The following PACS2 variants were observed in gnomAD, a reference collection of about 807,000 sequenced individuals.
PACS2 encodes the protein phosphofurin acidic cluster sorting protein 2.
In PACS2, 36 loss-of-function variants were observed where a neutral mutation model predicts 113.0. That is an observed-to-expected ratio of 0.32 (90% confidence interval 0.24 to 0.42). PACS2 has a LOEUF of 0.42. PACS2 is among the 10% of genes least tolerant of loss of function. The probability of loss-of-function intolerance (pLI) is 1.00; values close to 1 mark genes in which losing one functional copy is unlikely to be tolerated. For synonymous variants in PACS2, 589 were observed against 536.1 expected, an observed-to-expected ratio of 1.10 and a Z score of -1.36; for missense variants, 1,015 against 1,239.5, an observed-to-expected ratio of 0.82 and a Z score of 2.72.
intron 1 of PACS2, among the ~76,000 whole-genome samples, chr14:105,345,846 G>C (rs2059900950): frequency 6.6e-6 from 1 of 152,190 alleles, no homozygotes; most frequent in Admixed American, 6.5e-5. Flanking sequence ...GAGTCTGTGG[G>C]AATCCGGGCA....
upstream of PACS2, among the ~76,000 whole-genome samples, chr14:105,314,060 T>C (rs1465471444): frequency 3.3e-5 from 5 of 152,238 alleles, no homozygotes; most frequent in Admixed American, 6.5e-5. Flanking sequence ...CCCGGGGTCA[T>C]CTGGAGCCCT....
chr14:105,323,369 C>G lies in PACS2; in HGVS notation c.119+8332C>G, dbSNP rs997042942. Among the ~76,000 whole-genome samples the G allele has an allele frequency of 1.3e-5, 2 of 152,226 alleles. No individual in the cohort carries two copies. The highest frequency in any genetic ancestry group is 2.4e-5 in the African/African-American group (1 of 41,456). On this transcript the variant is annotated intron_variant, in intron 1 of 24. Transcript: ENST00000447393. The surrounding 1 kb of genome is among the most constrained non-coding windows in gnomAD (Gnocchi z 4.1). ...GGCTGGGGCAGTAGCCTGTCTCCAGCCCTTCCCCCTGCCTCTGTCCACGTG... is the reference window on the plus strand; with the variant it reads ...GGCTGGGGCAGTAGCCTGTCTCCAGGCCTTCCCCCTGCCTCTGTCCACGTG...
intron 14 of PACS2, 87 bp downstream of exon 14, chr14:105,382,668 T>A: frequency 3.0e-6 from 3 of 990,160 alleles, no homozygotes; most frequent in Non-Finnish European, 4.8e-6. Flanking sequence ...CCGGCACACC[T>A]GGGTGCTGGA....
At chr14:105,364,685 ATTTTC>A (rs1244525702) in intron 4 of PACS2, among the ~76,000 whole-genome samples, 3 of 142,002 alleles carry the variant, frequency 2.1e-5, no homozygotes, top group Non-Finnish European at 4.6e-5. Context: ...ATCCTGAGCA[ATTTTC>A]TTTTCTTTTT....
Position 105,340,976 on chromosome 14 carries a change from C to T in PACS2, c.120-7517C>T, listed in dbSNP as rs941400433. Among the ~76,000 whole-genome samples, 2 of 152,218 alleles carry T rather than the reference C, an allele frequency of 1.3e-5. No individual in the cohort carries two copies. The highest frequency in any genetic ancestry group is 2.4e-5 in the African/African-American group (1 of 41,456). On this transcript the variant is annotated intron_variant, in intron 1 of 24. Coordinates refer to ENST00000447393, the MANE Select transcript of PACS2 (RefSeq NM_001100913.3). The surrounding 1 kb of genome is among the most constrained non-coding windows in gnomAD (Gnocchi z 4.2). ...GTCACCCAGCTAGCATGGGGAGGCTCGCTACCAAGGGGTGGGGGGCTGGAG... is the reference window on the plus strand; with the variant it reads ...GTCACCCAGCTAGCATGGGGAGGCTTGCTACCAAGGGGTGGGGGGCTGGAG...
intron 4 of PACS2, among the ~76,000 whole-genome samples, chr14:105,363,936 CAG>C (rs2060825361): frequency 6.6e-6 from 1 of 152,066 alleles, no homozygotes; most frequent in African/African-American, 2.4e-5. Context: ...ACAGGAGAGA[CAG>C]ACATGGGAAT....
chr14:105,346,052 A>G (rs1402636027), intron 1 of PACS2, among the ~76,000 whole-genome samples: 1 of 152,202 alleles, frequency 6.6e-6, no homozygotes, highest in Non-Finnish European at 1.5e-5. Flanking sequence ...GCTCACAAAC[A>G]CTGACGGGCG....
In PACS2 at chr14:105,340,340, C is replaced by G. The variant is rs782159710; in HGVS notation, c.120-8153C>G. Among the ~76,000 whole-genome samples the G allele has an allele frequency of 9.9e-5, 15 of 152,142 alleles. No individual in the cohort carries two copies. Among genetic ancestry groups the G allele is most frequent in the Non-Finnish European group, 2.2e-4 (15 of 68,022 alleles). On this transcript the variant is annotated intron_variant, in intron 1 of 24. Transcript: ENST00000447393. This position sits in a 1 kb window ranked among gnomAD's most constrained non-coding sequence, Gnocchi z 4.2. ...ACACAACTCCAAATGGATGGATAAT[C>G]TCATTGTGAAAAAGAGGAAGGAACA...
rs1444496567 is a variant in PACS2, at chr14:105,357,046, G to T, written c.423+1869G>T. 6.6e-6 allele frequency among the ~76,000 whole-genome samples: 1 copy of T among 152,152 alleles called. No individual in the cohort carries two copies. Among genetic ancestry groups the T allele is most frequent in the Admixed American group, 6.5e-5 (1 of 15,276 alleles). ...AGGTGATGTCCTGCTGATCCCTGCC[G>T]GTCCCTGTGAGCTCCTGCCCCAGGC... On this transcript the variant is annotated intron_variant, in intron 4 of 24. Transcript: ENST00000447393. The surrounding 1 kb of genome is among the most constrained non-coding windows in gnomAD (Gnocchi z 5.1).
chr14:105,385,763 G>T, intron 19 of PACS2, 46 bp downstream of exon 19: 1 of 1,290,312 alleles, frequency 7.8e-7, no homozygotes, highest in Non-Finnish European at 1.0e-6. Context: ...TCCCCAGGCT[G>T]GTCTTCAGGG....
Position 105,397,574 on chromosome 14 carries a change from C to T in PACS2, c.*2902C>T, listed in dbSNP as rs1311125637. ...CTGTGGGCCAGTCCCGCCCTGCAAT[C>T]TGGTCTGCTGCCTTCCTCTTCCATG... On this transcript the variant is annotated 3_prime_UTR_variant, in exon 25 of 25. Transcript: ENST00000447393. 6.6e-6 allele frequency: 1 copy of T among 152,498 alleles called. No homozygotes were observed. The highest frequency in any genetic ancestry group is 1.5e-5 in the Non-Finnish European group (1 of 68,240). 9.4% of individuals were successfully genotyped at this position (152,498 alleles called of 1,614,324 possible).
At chr14:105,393,378 T>G (rs1555415558) in intron 24 of PACS2, 43 bp downstream of exon 24, 3 of 1,379,484 alleles carry the variant, frequency 2.2e-6, no homozygotes, top group Non-Finnish European at 3.1e-6. Context: ...GGGACGTAGG[T>G]GAGAGCACAG....
rs1253185226 is a variant in PACS2, at chr14:105,329,564, G to A, written c.119+14527G>A. ...CAGTAGAGTGGGGGGCTGTGGTCCT[G>A]GGCACCCTCTGGAGAGACCGCTCTG... On this transcript the variant is annotated intron_variant, in intron 1 of 24. Transcript: ENST00000447393. This position sits in a 1 kb window ranked among gnomAD's most constrained non-coding sequence, Gnocchi z 6.4. Among the ~76,000 whole-genome samples the A allele has an allele frequency of 1.3e-5, 2 of 152,162 alleles. No homozygotes were observed. The highest frequency in any genetic ancestry group is 4.8e-5 in the African/African-American group (2 of 41,438).
chr14:105,362,893 A>G (rs2060785468), intron 4 of PACS2, among the ~76,000 whole-genome samples: 1 of 152,148 alleles, frequency 6.6e-6, no homozygotes, highest in African/African-American at 2.4e-5. Flanking sequence ...TCCTTGATGC[A>G]TGGGCTGCCT....
At chr14:105,386,055 C>T (rs1281306573) in intron 19 of PACS2, among the ~76,000 whole-genome samples, 1 of 152,248 alleles carries the variant, frequency 6.6e-6, no homozygotes, top group African/African-American at 2.4e-5. Flanking sequence ...AGGCCTTTCC[C>T]CGGCTCTGTT....
At position 105,395,968 on chromosome 14, in the gene PACS2, C is replaced by T. The variant is rs1404891343; in HGVS notation, c.*1296C>T. Reference sequence around the variant, plus strand: ...CCTGGTTTCGTAAGATGGAGCACTGCAAAAGGCCATGCTCAGAAAGCAAAC... The same window carrying T: ...CCTGGTTTCGTAAGATGGAGCACTGTAAAAGGCCATGCTCAGAAAGCAAAC... On this transcript the variant is annotated 3_prime_UTR_variant, in exon 25 of 25. Coordinates refer to ENST00000447393, the MANE Select transcript of PACS2 (RefSeq NM_001100913.3). 2.0e-5 allele frequency: 3 copies of T among 152,256 alleles called. No homozygotes were observed. Among genetic ancestry groups the T allele is most frequent in the Admixed American group, 6.5e-5 (1 of 15,288 alleles). The allele number at this position is 152,256 out of a possible 1,614,324, so 9.4% of individuals were successfully genotyped here.
At chr14:105,333,703 G>A (rs1827878416) in intron 1 of PACS2, among the ~76,000 whole-genome samples, 1 of 152,234 alleles carries the variant, frequency 6.6e-6, no homozygotes, top group Admixed American at 6.5e-5. Flanking sequence ...GGAGGTGGGA[G>A]GTTTTGGCAA....
intron 2 of PACS2, among the ~76,000 whole-genome samples, chr14:105,349,900 G>A (rs1247184915): frequency 6.7e-6 from 1 of 148,814 alleles, no homozygotes; most frequent in Non-Finnish European, 1.5e-5. Context: ...AGGACCCCGA[G>A]AACTTCCAGG....
chr14:105,375,481 C>CAAAAA (rs34549878), intron 8 of PACS2, among the ~76,000 whole-genome samples: 5 of 51,360 alleles, frequency 9.7e-5, no homozygotes, highest in Non-Finnish European at 1.4e-4. Flanking sequence ...GACTCCATCT[C>CAAAAA]AAAAAAAAAA....
Sources: allele counts gnomAD v4.1 joint callset (sites outside exome capture counted in the v4.1 genomes callset), GRCh38; gene constraint gnomAD v4.1.1; non-coding constraint Gnocchi (gnomAD v3.1); transcripts MANE v1.5; gene names NCBI Gene and HGNC (gene_info 2026-07-23, HGNC 2026-07-21).